The following RAPH1 variants were observed in gnomAD, a reference collection of about 807,000 sequenced individuals.
The protein encoded by RAPH1 is ras-associated and pleckstrin homology domains-containing protein 1.
A neutral mutation model predicts 88.1 loss-of-function variants in RAPH1; 18 were observed. The observed-to-expected ratio is 0.20, with a 90% CI of 0.14 to 0.30. The LOEUF (loss-of-function observed/expected upper bound fraction) is 0.30, where lower values mean the gene tolerates loss of function less well. Ranked by LOEUF, RAPH1 falls within the 10% of genes least tolerant of loss-of-function variation. The pLI, the probability that RAPH1 is intolerant of heterozygous loss-of-function variation, is 1.00. For missense variants in RAPH1, 1,448 were observed against 1,543.2 expected, an observed-to-expected ratio of 0.94 and a Z score of 1.03; for synonymous variants, 587 against 559.0, an observed-to-expected ratio of 1.05 and a Z score of -0.71.
chr2:203,526,868 C>A (rs1690145625), intron 1 of RAPH1, among the ~76,000 whole-genome samples: 2 of 151,636 alleles, frequency 1.3e-5, no homozygotes, highest in Non-Finnish European at 2.9e-5. Context: ...CCTGCAACCT[C>A]TCCCTCCCAG....
At chr2:203,505,561 C>T (rs1022898336) in intron 1 of RAPH1, among the ~76,000 whole-genome samples, 5 of 152,202 alleles carry the variant, frequency 3.3e-5, no homozygotes, top group East Asian at 1.9e-4. Context: ...TTTAGTTCAA[C>T]GCTCTACAAA....
chr2:203,440,599 T>C lies in RAPH1; in HGVS notation c.2591A>G (p.Gln864Arg). Reference protein sequence around the residue: ...PLSPVPSVVKQIASQFPPPPT... With the variant: ...PLSPVPSVVKRIASQFPPPPT... ...AGGGGGTGGAAACTGGCTGGCTATCTGCTTCACGACCGAGGGCACCGGTGA... is the reference window on the plus strand; with the variant it reads ...AGGGGGTGGAAACTGGCTGGCTATCCGCTTCACGACCGAGGGCACCGGTGA... Residue 864 changes from glutamine (Q) to arginine (R), a missense_variant, in exon 14 of 14, where the codon CAG (glutamine) becomes CGG (arginine). Around this residue, in one of 2 missense-constraint regions of RAPH1, gnomAD observed 935 missense variants for 890.1 expected, o/e 1.05. Transcript: ENST00000319170. 12 of 1,553,184 alleles carry C rather than the reference T, an allele frequency of 7.7e-6. No homozygotes were observed. The highest frequency in any genetic ancestry group is 1.0e-5 in the Non-Finnish European group (12 of 1,149,798).
chr2:203,479,341 C>T (rs1235096745), intron 4 of RAPH1, among the ~76,000 whole-genome samples: 1 of 152,280 alleles, frequency 6.6e-6, no homozygotes, highest in African/African-American at 2.4e-5. Flanking sequence ...CGGTGGCTCA[C>T]GCCTGTAATC....
rs185609370 is a variant in RAPH1, at chr2:203,491,369, T to C, written c.121-50A>G. The C allele has an allele frequency of 1.4e-3, 1,762 of 1,271,704 alleles. 40 individuals are homozygous for C. In the Admixed American group the frequency reaches 0.028, roughly 20 times the overall value. The allele number at this position is 1,271,704 out of a possible 1,614,324, so 78.8% of individuals were successfully genotyped here. On this transcript the variant is annotated intron_variant, in intron 2 of 13. Transcript: ENST00000319170. ...TCATATTAAATTCAGGTTTCAATAA[T>C]ATAAAAAAAGATGAAGTTTGTTTTA...
In RAPH1 at chr2:203,439,507, G is replaced by A. The variant is rs374694763; in HGVS notation, c.3683C>T (p.Thr1228Met). 28 of 1,613,928 alleles carry A rather than the reference G, an allele frequency of 1.7e-5. No individual in the cohort carries two copies. Among genetic ancestry groups the A allele is most frequent in the African/African-American group, 2.7e-5 (2 of 74,902 alleles). Residue 1228 changes from threonine to methionine, a missense_variant, in exon 14 of 14, where the codon ACG becomes ATG. Physicochemically the swap from Thr to Met is moderately conservative, Grantham distance 81. Transcript: ENST00000319170. Reference sequence around the variant, plus strand: ...AGCAGGAGGGGGTCCTCTCCGCAACGTTGCATAGCCTGATATATGACTGCC... The same window carrying A: ...AGCAGGAGGGGGTCCTCTCCGCAACATTGCATAGCCTGATATATGACTGCC... ...YGGSHISGYA[T>M]LRRGPPPAPP... is the part of the protein sequence containing the mutation.
rs751145981 is a variant in RAPH1 at position 203,439,551 on chromosome 2, T to C, written c.3639A>G (p.Gln1213=). ...GACTGCCTCCGTAACCAGCCTTCTGTTGATCAGACAGCAGTTCAGGGGGTG... is the reference window on the plus strand; with the variant it reads ...GACTGCCTCCGTAACCAGCCTTCTGCTGATCAGACAGCAGTTCAGGGGGTG... ...PPPPPELLSD[Q]QKAGYGGSHI... The change falls in exon 14 of 14, where the codon CAA becomes CAG. Residue 1213 remains glutamine (Q), a synonymous_variant. Transcript: ENST00000319170. The C allele has an allele frequency of 6.2e-7, 1 of 1,614,188 alleles. No homozygotes were observed. Among genetic ancestry groups the C allele is most frequent in the Non-Finnish European group, 8.5e-7 (1 of 1,180,024 alleles).
chr2:203,500,643 C>T (rs557349268), intron 1 of RAPH1, among the ~76,000 whole-genome samples: 1 of 152,156 alleles, frequency 6.6e-6, no homozygotes, highest in South Asian at 2.1e-4. Flanking sequence ...CAGGGTATTG[C>T]TTATACTCAC....
In RAPH1 at chr2:203,439,931, T is replaced by C; in HGVS notation, c.3259A>G (p.Ile1087Val). ...PPETELPLPP[I>V]EIPAVFSGNT... Reference sequence around the variant, plus strand: ...CCCGAGAAAACTGCTGGAATCTCAATGGGGGGCAGAGGAAGCTCTGTTTCA... The same window carrying C: ...CCCGAGAAAACTGCTGGAATCTCAACGGGGGGCAGAGGAAGCTCTGTTTCA... Residue 1087 changes from isoleucine (I) to valine (V), a missense_variant, in exon 14 of 14, where the codon ATT (isoleucine) becomes GTT (valine). This residue lies in a region of RAPH1 where 935 missense variants were observed against 890.1 expected (regional missense o/e 1.05). Coordinates refer to ENST00000319170, the MANE Select transcript of RAPH1 (RefSeq NM_213589.3). 6.2e-7 allele frequency: 1 copy of C among 1,613,076 alleles called. No homozygotes were observed.
chr2:203,482,341 A>G (rs1255582338), intron 4 of RAPH1, among the ~76,000 whole-genome samples: 1 of 152,114 alleles, frequency 6.6e-6, no homozygotes, highest in African/African-American at 2.4e-5. Context: ...GCCCGCCACC[A>G]TGCCTGGCTA....
chr2:203,488,466 G>A (rs1186938173), intron 4 of RAPH1, among the ~76,000 whole-genome samples: 23 of 151,700 alleles, frequency 1.5e-4, no homozygotes, highest in Non-Finnish European at 1.5e-5. Flanking sequence ...GCACACGCCT[G>A]TAATCCCAGC....
At chr2:203,521,827 G>A (rs1689887739) in intron 1 of RAPH1, among the ~76,000 whole-genome samples, 2 of 152,038 alleles carry the variant, frequency 1.3e-5, no homozygotes, top group African/African-American at 4.8e-5. Flanking sequence ...ACTATAAAAT[G>A]TACACACACA....
chr2:203,535,003 G>T (rs1043844000), intron 1 of RAPH1, 108 bp downstream of exon 1: 2 of 152,228 alleles, frequency 1.3e-5, no homozygotes, highest in African/African-American at 4.8e-5. Flanking sequence ...CCCGGATGGC[G>T]GGGCCGGGCG....
chr2:203,444,620 G>GT (rs200279856), intron 13 of RAPH1: 6,990 of 416,252 alleles, frequency 0.017, 94 homozygotes, highest in Middle Eastern at 0.056. Flanking sequence ...TAAACTGCCA[G>GT]TTTTTTTTGT....
At position 203,511,269 on chromosome 2, in the gene RAPH1, T is replaced by TAA. The variant is rs368477075; in HGVS notation, c.1-15918_1-15917dup. Among the ~76,000 whole-genome samples, 80 of 142,242 alleles carry TAA rather than the reference T, an allele frequency of 5.6e-4. 1 individual carries two copies. Among genetic ancestry groups the TAA allele is most frequent in the Middle Eastern group, 3.6e-3 (1 of 274 alleles). The allele number at this position is 142,242 out of a possible 152,430, so 93.3% of individuals were successfully genotyped here. Reference sequence around the variant, plus strand: ...ACTCAAAGCTAAAGGTACATTTCTTTAAAAAAAAAAAAAAGTGGCCAATTT... The same window carrying TAA: ...ACTCAAAGCTAAAGGTACATTTCTTTAAAAAAAAAAAAAAAAGTGGCCAATTT... On this transcript the variant is annotated intron_variant, in intron 1 of 13. Coordinates refer to ENST00000319170, the MANE Select transcript of RAPH1 (RefSeq NM_213589.3).
At chr2:203,496,694 T>C (rs1007212985) in intron 1 of RAPH1, among the ~76,000 whole-genome samples, 1 of 152,254 alleles carries the variant, frequency 6.6e-6, no homozygotes. Flanking sequence ...ATATCATAGT[T>C]ACTGACTAAA....
In RAPH1 at chr2:203,438,609, T is replaced by C. The variant is rs900868906; in HGVS notation, c.*828A>G. On this transcript the variant is annotated 3_prime_UTR_variant, in exon 14 of 14. Coordinates refer to ENST00000319170, the MANE Select transcript of RAPH1 (RefSeq NM_213589.3). ...TTGATAAAGCTTCATAAAACAGTAC[T>C]AAAAAGGAACTATCCAGAATTATAG... 1.8e-5 allele frequency: 3 copies of C among 170,890 alleles called. No individual in the cohort carries two copies. The highest frequency in any genetic ancestry group is 3.7e-5 in the Non-Finnish European group (3 of 80,420). 10.6% of individuals were successfully genotyped at this position (170,890 alleles called of 1,614,324 possible).
At chr2:203,455,640 T>A in intron 8 of RAPH1, 60 bp from the exon 9 acceptor site, 1 of 1,505,240 alleles carries the variant, frequency 6.6e-7, no homozygotes, top group Non-Finnish European at 9.1e-7. Flanking sequence ...AACAAAGTTG[T>A]GTTTACTCCT....
rs950014852 is a variant in RAPH1, at chr2:203,438,529, T to A, written c.*908A>T. 2 of 191,936 alleles carry A rather than the reference T, an allele frequency of 1.0e-5. No individual in the cohort carries two copies. Among genetic ancestry groups the A allele is most frequent in the Non-Finnish European group, 2.1e-5 (2 of 93,344 alleles). 11.9% of individuals were successfully genotyped at this position (191,936 alleles called of 1,614,324 possible). On this transcript the variant is annotated 3_prime_UTR_variant, in exon 14 of 14. Coordinates refer to ENST00000319170, the MANE Select transcript of RAPH1 (RefSeq NM_213589.3). ...ATACTGGGACAGAACATTACAGAGA[T>A]AACTGTGTTATCCATCCTCTTAAAA...
At chr2:203,506,853 T>TTA (rs1689083889) in intron 1 of RAPH1, among the ~76,000 whole-genome samples, 1 of 40,142 alleles carries the variant, frequency 2.5e-5, no homozygotes, top group African/African-American at 8.7e-5. Flanking sequence ...TATCTATCTA[T>TTA]ATCTATATAT....
Sources: gnomAD v4.1 joint callset for allele counts (sites outside exome capture counted in the v4.1 genomes callset) on GRCh38, gnomAD v4.1.1 for gene constraint, gnomAD v4.1.1 regional missense constraint, MANE v1.5 for transcripts, NCBI Gene and HGNC (gene_info 2026-07-23, HGNC 2026-07-21) for gene names.